The following SPAG16 variants were observed in gnomAD, a reference collection of about 807,000 sequenced individuals.
SPAG16 encodes the protein sperm-associated antigen 16 protein.
SPAG16 carries 86 observed loss-of-function variants against 80.4 expected under a neutral mutation model. The observed-to-expected ratio is 1.07, with a 90% confidence interval of 0.90 to 1.28. The LOEUF (loss-of-function observed/expected upper bound fraction) is 1.28, where lower values mean the gene tolerates loss of function less well. Among genes scored for constraint, SPAG16 ranks in the 50% most tolerant of loss-of-function variants. The pLI, the probability that SPAG16 is intolerant of heterozygous loss-of-function variation, is 0.00. For missense variants in SPAG16, 870 were observed against 765.3 expected, an observed-to-expected ratio of 1.14 and a Z score of -1.61; for synonymous variants, 294 against 265.9, an observed-to-expected ratio of 1.11 and a Z score of -1.03.
intron 10 of SPAG16, among the ~76,000 whole-genome samples, chr2:213,723,493 T>C (rs921559952): frequency 1.3e-5 from 2 of 152,138 alleles, no homozygotes; most frequent in African/African-American, 4.8e-5. Flanking sequence ...AAGGATCAAA[T>C]TGTTGAATTG....
intron 10 of SPAG16, among the ~76,000 whole-genome samples, chr2:213,679,566 T>A (rs1013855114): frequency 2.0e-5 from 3 of 152,164 alleles, no homozygotes; most frequent in Admixed American, 6.6e-5. Flanking sequence ...TTTTTCCCAC[T>A]TCCTACTTAT....
At chr2:213,565,448 A>G (rs1559260548) in intron 10 of SPAG16, among the ~76,000 whole-genome samples, 4 of 152,234 alleles carry the variant, frequency 2.6e-5, no homozygotes, top group Admixed American at 1.3e-4. Context: ...ATAAAATATC[A>G]TTTGTTATAA....
intron 9 of SPAG16, among the ~76,000 whole-genome samples, chr2:213,486,071 T>C (rs2125711945): frequency 6.6e-6 from 1 of 152,294 alleles, no homozygotes; most frequent in African/African-American, 2.4e-5. Flanking sequence ...CTTTATGTTA[T>C]AAATGTTTGA....
At chr2:213,977,768 AT>A (rs1257655715) in intron 12 of SPAG16, among the ~76,000 whole-genome samples, 2 of 151,912 alleles carry the variant, frequency 1.3e-5, no homozygotes, top group South Asian at 4.1e-4. Context: ...ACCTCTTTTT[AT>A]TTTGTACTGT....
intron 14 of SPAG16, among the ~76,000 whole-genome samples, chr2:214,145,156 TTTTC>T (rs2055575261): frequency 6.6e-6 from 1 of 152,030 alleles, no homozygotes; most frequent in African/African-American, 2.4e-5. Context: ...AACATTCCAG[TTTTC>T]TCCTTTTCTT....
At chr2:214,335,559 T>C (rs1378427782) in intron 15 of SPAG16, among the ~76,000 whole-genome samples, 1 of 151,832 alleles carries the variant, frequency 6.6e-6, no homozygotes, top group African/African-American at 2.4e-5. Flanking sequence ...GATGCTGATG[T>C]GCTGACGATG....
At chr2:213,640,371 GACT>G in intron 10 of SPAG16, among the ~76,000 whole-genome samples, 1 of 152,154 alleles carries the variant, frequency 6.6e-6, no homozygotes. Flanking sequence ...CATTTGGGTA[GACT>G]ATGTCAGTGG....
intron 9 of SPAG16, among the ~76,000 whole-genome samples, chr2:213,394,177 C>A (rs11682093): frequency 6.6e-6 from 1 of 151,804 alleles, no homozygotes; most frequent in Non-Finnish European, 1.5e-5. Context: ...ATGTTCATAT[C>A]TTTTTTAGCA....
At chr2:214,127,033 A>G (rs1024478802) in intron 14 of SPAG16, among the ~76,000 whole-genome samples, 1 of 151,860 alleles carries the variant, frequency 6.6e-6, no homozygotes, top group Non-Finnish European at 1.5e-5. Flanking sequence ...AAGGGAAAAG[A>G]AATAGATTTG....
At chr2:213,320,160 A>G (rs2063555322) in intron 5 of SPAG16, among the ~76,000 whole-genome samples, 1 of 151,976 alleles carries the variant, frequency 6.6e-6, no homozygotes, top group Non-Finnish European at 1.5e-5. Flanking sequence ...CTACTGATAC[A>G]TTCTTAGAAA....
At chr2:214,057,213 T>A (rs1382333156) in intron 13 of SPAG16, among the ~76,000 whole-genome samples, 1 of 150,260 alleles carries the variant, frequency 6.7e-6, no homozygotes, top group Admixed American at 6.7e-5. Flanking sequence ...TCAAGATCCA[T>A]CAGAGGAATT....
intron 12 of SPAG16, among the ~76,000 whole-genome samples, chr2:213,970,494 G>A (rs2044980283): frequency 6.6e-6 from 1 of 151,976 alleles, no homozygotes; most frequent in South Asian, 2.1e-4. Context: ...GTAGAGACAG[G>A]TTTCACCATG....
At chr2:213,298,091 C>G (rs906359886) in intron 3 of SPAG16, among the ~76,000 whole-genome samples, 2 of 152,078 alleles carry the variant, frequency 1.3e-5, no homozygotes, top group African/African-American at 4.8e-5. Flanking sequence ...CCATATCATT[C>G]TTTCCATATT....
At chr2:214,157,641 T>A (rs2056272026) in intron 15 of SPAG16, among the ~76,000 whole-genome samples, 1 of 152,094 alleles carries the variant, frequency 6.6e-6, no homozygotes, top group Non-Finnish European at 1.5e-5. Context: ...GATTGGTTGG[T>A]GATCATGTCA....
intron 15 of SPAG16, among the ~76,000 whole-genome samples, chr2:214,290,607 G>T (rs963522652): frequency 2.6e-5 from 4 of 151,862 alleles, no homozygotes; most frequent in African/African-American, 9.7e-5. Flanking sequence ...GAAATTTTTT[G>T]ATTTCCATCT....
At chr2:214,167,782 TATA>T in intron 15 of SPAG16, among the ~76,000 whole-genome samples, 1 of 151,516 alleles carries the variant, frequency 6.6e-6, no homozygotes, top group Non-Finnish European at 1.5e-5. Flanking sequence ...TATTTGATAA[TATA>T]ATGTTTTCAG....
chr2:213,350,558 G>C lies in SPAG16; in HGVS notation c.675G>C (p.Pro225=). The C allele has an allele frequency of 6.3e-7, 1 of 1,583,664 alleles. No individual in the cohort carries two copies. The highest frequency in any genetic ancestry group is 8.6e-7 in the Non-Finnish European group (1 of 1,168,904). Residue 225 remains proline (P), a synonymous_variant, in exon 7 of 16, where the codon CCG becomes CCC. Coordinates refer to ENST00000331683, the MANE Select transcript of SPAG16 (RefSeq NM_024532.5). ...AGTTACATTATGCATCTTATGAACC[G>C]ACTATAAGGGTGTTACATGAGAAAC... ...GLKLHYASYE[P]TIRVLHEKHH... is the part of the protein sequence containing the mutation.
chr2:213,949,179 T>TTTTTTTTTTTGTTTTGTTTTGTTTTG (rs1553677669), intron 12 of SPAG16, among the ~76,000 whole-genome samples: 1 of 36,244 alleles, frequency 2.8e-5, no homozygotes, highest in Admixed American at 4.8e-4. Context: ...GTTTTTTTTT[T>TTTTTTTTTTTGTTTTGTTTTGTTTTG]TTTTTTTTTT....
intron 14 of SPAG16, among the ~76,000 whole-genome samples, chr2:214,125,303 A>T (rs895045617): frequency 6.6e-6 from 1 of 151,668 alleles, no homozygotes; most frequent in African/African-American, 2.4e-5. Context: ...TCTAAGGAAT[A>T]GCTGGTTTTC....
Sources: gnomAD v4.1 joint callset for allele counts (sites outside exome capture counted in the v4.1 genomes callset) on GRCh38, gnomAD v4.1.1 for gene constraint, MANE v1.5 for transcripts, NCBI Gene and HGNC (gene_info 2026-07-23, HGNC 2026-07-21) for gene names.